GAD1: variants seen among roughly 807,000 people sequenced by gnomAD.
The protein encoded by GAD1 is 67 kDa glutamic acid decarboxylase.
A neutral mutation model predicts 75.2 loss-of-function variants in GAD1; 35 were observed. That is an observed-to-expected ratio of 0.47 (90% CI 0.36 to 0.62). The LOEUF is 0.62. GAD1 is among the 20% of genes least tolerant of loss of function. The pLI, the probability that GAD1 is intolerant of heterozygous loss-of-function variation, is 0.00. For missense variants in GAD1, 490 were observed against 758.5 expected (o/e 0.65, Z 4.16); for synonymous variants, 257 against 271.9 (o/e 0.95, Z 0.54).
rs1559267621 is a variant in GAD1, at chr2:170,821,938, T to C, written c.83-149T>C. 8 of 706,834 alleles carry C rather than the reference T, an allele frequency of 1.1e-5. No individual in the cohort carries two copies. The East Asian group carries it at 1.9e-4, about 17-fold the overall frequency. The allele number at this position is 706,834 out of a possible 1,614,324, so 43.8% of individuals were successfully genotyped here. A position where few individuals can be genotyped will look rare whatever the true frequency, so the allele number is the denominator to read the frequency against. ...GAGTATATGCCTGTCGGCTCACAGATTTGGCTCCTAGCTCCTTTCAGGAAG... is the reference window on the plus strand; with the variant it reads ...GAGTATATGCCTGTCGGCTCACAGACTTGGCTCCTAGCTCCTTTCAGGAAG... On this transcript the variant is annotated intron_variant, in intron 2 of 16. Transcript: ENST00000358196.
At chr2:170,852,309 C>A (rs542374042) in intron 12 of GAD1, among the ~76,000 whole-genome samples, 2 of 152,274 alleles carry the variant, frequency 1.3e-5, no homozygotes, top group East Asian at 3.9e-4. Flanking sequence ...GTGAGGCACA[C>A]ACTCCCCATT....
Position 170,844,088 on chromosome 2 carries a change from A to G in GAD1, c.682A>G (p.Ile228Val). Residue 228 changes from isoleucine (I) to valine (V), a missense_variant, in exon 7 of 17, where the codon ATA (isoleucine) becomes GTA (valine). Transcript: ENST00000358196. ...ACCAGTGTTTGTCCTCATGGAACAA[A>G]TAACACTTAAGAAGATGAGAGAGAT... ...IAPVFVLMEQ[I>V]TLKKMREIVG... 6.2e-7 allele frequency: 1 copy of G among 1,611,276 alleles called. No individual in the cohort carries two copies. Among genetic ancestry groups the G allele is most frequent in the African/African-American group, 1.3e-5 (1 of 75,000 alleles).
chr2:170,826,664 T>C (rs1702032745), intron 3 of GAD1, among the ~76,000 whole-genome samples: 1 of 152,080 alleles, frequency 6.6e-6, no homozygotes, highest in Non-Finnish European at 1.5e-5. Context: ...GCCGAGTTTC[T>C]GCTTCCTGCA....
At position 170,818,641 on chromosome 2, in the gene GAD1, C is replaced by G; in HGVS notation, c.50C>G (p.Ala17Gly). Reference sequence around the variant, plus strand: ...TCCGCAACCTCCTCGAACGCGGGAGCGGACCCCAATACCACTAACCTGCGC... The same window carrying G: ...TCCGCAACCTCCTCGAACGCGGGAGGGGACCCCAATACCACTAACCTGCGC... Reference protein sequence around the residue: ...SSSATSSNAGADPNTTNLRPT... With the variant: ...SSSATSSNAGGDPNTTNLRPT... The change falls in exon 2 of 17, where the codon GCG (alanine) becomes GGG (glycine). Residue 17 changes from alanine to glycine, a missense_variant. Transcript: ENST00000358196. This position sits in a 1 kb window ranked among gnomAD's most constrained non-coding sequence, Gnocchi z 5.9. 18 of 1,614,114 alleles carry G rather than the reference C, an allele frequency of 1.1e-5. No homozygotes were observed. The highest frequency in any genetic ancestry group is 1.5e-5 in the Non-Finnish European group (18 of 1,180,020).
intron 6 of GAD1, among the ~76,000 whole-genome samples, chr2:170,841,973 A>G (rs1270759919): frequency 6.6e-6 from 1 of 152,248 alleles, no homozygotes; most frequent in Non-Finnish European, 1.5e-5. Flanking sequence ...ATAGCCACTC[A>G]GTAAGTATTT....
chr2:170,838,316 T>C (rs1352108059), intron 6 of GAD1, among the ~76,000 whole-genome samples: 1 of 152,224 alleles, frequency 6.6e-6, no homozygotes, highest in East Asian at 1.9e-4. Context: ...AAAAGCTCCA[T>C]TTAGCAATCT....
At position 170,853,846 on chromosome 2, in the gene GAD1, A is replaced by T. The variant is rs1307396434; in HGVS notation, c.1264-27A>T. 6.2e-7 allele frequency: 1 copy of T among 1,613,664 alleles called. No individual in the cohort carries two copies. Among genetic ancestry groups the T allele is most frequent in the East Asian group, 2.2e-5 (1 of 44,872 alleles). On this transcript the variant is annotated intron_variant, in intron 13 of 16. Transcript: ENST00000358196. This position sits in a 1 kb window ranked among gnomAD's most constrained non-coding sequence, Gnocchi z 4.1. ...CCACATCTCTGATGTGTAAATGCAG[A>T]TGCACCCATCTTAATTTCCATGATA...
upstream of GAD1, among the ~76,000 whole-genome samples, chr2:170,815,352 C>A (rs750623471): frequency 9.2e-5 from 14 of 152,120 alleles, no homozygotes; most frequent in Non-Finnish European, 1.8e-4. Flanking sequence ...CAGGTGGAGA[C>A]AAGGCGACAA....
Position 170,859,777 on chromosome 2 carries a change from G to C in GAD1, c.1680G>C (p.Gly560=). ...CCATGGTTGGCTACCAGCCCCAAGG[G>C]GACAAGGCCAACTTCTTCCGGATGG... ...GTTMVGYQPQ[G]DKANFFRMVI... is the part of the protein sequence containing the mutation. Residue 560 remains glycine, a synonymous_variant, in exon 17 of 17, where the codon GGG becomes GGC. Transcript: ENST00000358196. 1 of 1,614,154 alleles carries C rather than the reference G, an allele frequency of 6.2e-7. No individual in the cohort carries two copies. Among genetic ancestry groups the C allele is most frequent in the Non-Finnish European group, 8.5e-7 (1 of 1,180,030 alleles).
intron 3 of GAD1, among the ~76,000 whole-genome samples, chr2:170,827,036 C>A (rs1444803554): frequency 6.6e-6 from 1 of 152,100 alleles, no homozygotes; most frequent in African/African-American, 2.4e-5. Flanking sequence ...GTATTTCCCC[C>A]CTTCTCATGT....
chr2:170,830,513 A>G (rs557696413), intron 4 of GAD1, among the ~76,000 whole-genome samples: 1 of 152,228 alleles, frequency 6.6e-6, no homozygotes, highest in Non-Finnish European at 1.5e-5. Flanking sequence ...CTCAGGGGGA[A>G]CCCCAGCCTC....
chr2:170,853,251 C>A lies in GAD1; in HGVS notation c.1263+459C>A. The A allele has an allele frequency of 4.6e-6, 1 of 215,472 alleles. No individual in the cohort carries two copies. Among genetic ancestry groups the A allele is most frequent in the South Asian group, 8.0e-5 (1 of 12,556 alleles). 13.3% of individuals were successfully genotyped at this position (215,472 alleles called of 1,614,324 possible). ...ACTTAGGGCCACAAGGAATATTGCC[C>A]CAAAAGCTGCTGTAAATGGTTGAGC... On this transcript the variant is annotated intron_variant, in intron 13 of 16. Transcript: ENST00000358196. The surrounding 1 kb of genome is among the most constrained non-coding windows in gnomAD (Gnocchi z 4.1).
intron 9 of GAD1, 90 bp downstream of exon 9, chr2:170,845,875 G>A: frequency 1.4e-6 from 2 of 1,455,702 alleles, no homozygotes; most frequent in South Asian, 1.1e-5. Flanking sequence ...GACTGGCTCA[G>A]TACATTGTGC....
Position 170,831,118 on chromosome 2 carries a change from T to C in GAD1, c.473T>C (p.Leu158Pro). ...GGCATGGAGGGCTTCAACTTGGAGC[T>C]CTCTGACCACCCCGAGTCCCTGGAG... ...LEGMEGFNLE[L>P]SDHPESLEQI... Residue 158 changes from leucine (L) to proline (P), a missense_variant, in exon 5 of 17, where the codon CTC (leucine) becomes CCC (proline). By Grantham distance (98) the Leu-to-Pro change is moderately conservative. Coordinates refer to ENST00000358196, the MANE Select transcript of GAD1 (RefSeq NM_000817.3). 1 of 1,614,132 alleles carries C rather than the reference T, an allele frequency of 6.2e-7. No homozygotes were observed. The highest frequency in any genetic ancestry group is 8.5e-7 in the Non-Finnish European group (1 of 1,180,018).
rs151045752 is a variant in GAD1 at position 170,832,257 on chromosome 2, T to C, written c.547+1065T>C. Among the ~76,000 whole-genome samples the C allele has an allele frequency of 3.7e-3, 566 of 152,336 alleles. 2 individuals carry two copies. The highest frequency in any genetic ancestry group is 6.8e-3 in the Middle Eastern group (2 of 294). ...GAGTTTAAAATCAAGGTGCTGGCTA[T>C]GCTCTCTCTGATGGCTCTTGGAGAG... is the stretch of plus-strand genomic sequence containing the variant. On this transcript the variant is annotated intron_variant, in intron 5 of 16. Coordinates refer to ENST00000358196, the MANE Select transcript of GAD1 (RefSeq NM_000817.3).
intron 7 of GAD1, among the ~76,000 whole-genome samples, chr2:170,844,793 G>A (rs1373591008): frequency 6.6e-6 from 1 of 152,208 alleles, no homozygotes. Context: ...GAGACAGTGT[G>A]ATTGTGTACA....
chr2:170,845,648 T>C, intron 8 of GAD1, 27 bp downstream of exon 8: 3 of 1,612,146 alleles, frequency 1.9e-6, no homozygotes, highest in African/African-American at 1.3e-5. Context: ...TTCTCATGGA[T>C]AGTGGTGTTT....
intron 6 of GAD1, among the ~76,000 whole-genome samples, chr2:170,839,151 G>A (rs1265134198): frequency 6.6e-6 from 1 of 152,204 alleles, no homozygotes; most frequent in African/African-American, 2.4e-5. Context: ...CTATGGCAGT[G>A]CAGGATTTAT....
At position 170,852,702 on chromosome 2, in the gene GAD1, T is replaced by G; in HGVS notation, c.1185-12T>G. The G allele has an allele frequency of 6.2e-7, 1 of 1,613,664 alleles. No individual in the cohort carries two copies. The highest frequency in any genetic ancestry group is 8.5e-7 in the Non-Finnish European group (1 of 1,179,514). ...TCCTGCACCTTCTCGAAGTCTCATG[T>G]GCTTCTTTCAGGGCCAACTCAGTCA... is the stretch of plus-strand genomic sequence containing the variant. On this transcript the variant is annotated splice_polypyrimidine_tract_variant and intron_variant, in intron 12 of 16. Transcript: ENST00000358196.
Sources: allele counts gnomAD v4.1 joint callset (sites outside exome capture counted in the v4.1 genomes callset), GRCh38; gene constraint gnomAD v4.1.1; non-coding constraint Gnocchi (gnomAD v3.1); transcripts MANE v1.5; gene names NCBI Gene and HGNC (gene_info 2026-07-23, HGNC 2026-07-21).